AOAH: variants seen among roughly 807,000 people sequenced by gnomAD.
AOAH encodes the protein acyloxyacyl hydrolase.
A neutral mutation model predicts 92.2 loss-of-function variants in AOAH; 64 were observed. That is an observed-to-expected ratio of 0.69 (90% CI 0.57 to 0.86). The LOEUF (loss-of-function observed/expected upper bound fraction) is 0.86. AOAH is among the 40% of genes least tolerant of loss of function. AOAH has a pLI of 0.00. For missense variants in AOAH, 656 were observed against 694.6 expected, an observed-to-expected ratio of 0.94 and a Z score of 0.62; for synonymous variants, 263 against 254.5, an observed-to-expected ratio of 1.03 and a Z score of -0.32.
rs1365138701 is a variant in AOAH, at chr7:36,580,812, G to T, written c.939-4156C>A. 2.0e-5 allele frequency among the ~76,000 whole-genome samples: 3 copies of T among 152,134 alleles called. No individual in the cohort carries two copies. The East Asian group carries it at 5.8e-4, about 29-fold the overall frequency. On this transcript the variant is annotated intron_variant, in intron 12 of 20. Coordinates refer to ENST00000617537, the MANE Select transcript of AOAH (RefSeq NM_001637.4). ...GGAACCCTGCTGTCAGCATCTGTGG[G>T]ACTCTCCTCTTGGGCTGTTCAGATT...
chr7:36,543,240 C>T (rs1785544100), intron 15 of AOAH, among the ~76,000 whole-genome samples: 1 of 152,206 alleles, frequency 6.6e-6, no homozygotes, highest in African/African-American at 2.4e-5. Context: ...TGCCTACCTA[C>T]TAGAGCAGAA....
intron 20 of AOAH, among the ~76,000 whole-genome samples, chr7:36,517,204 TTC>T (rs796716098): frequency 1.2e-4 from 5 of 41,314 alleles, no homozygotes; most frequent in East Asian, 2.6e-3. Context: ...CTTTCTTTCT[TTC>T]TTTCTTTCTC....
chr7:36,640,209 C>T (rs959875391), intron 4 of AOAH, among the ~76,000 whole-genome samples: 8 of 152,046 alleles, frequency 5.3e-5, no homozygotes, highest in African/African-American at 1.9e-4. Context: ...GGAACAGAGT[C>T]CTGATCCCAG....
chr7:36,646,541 A>T (rs1282464760), intron 4 of AOAH, among the ~76,000 whole-genome samples: 1 of 152,228 alleles, frequency 6.6e-6, no homozygotes, highest in Non-Finnish European at 1.5e-5. Flanking sequence ...TATGTTACAC[A>T]ACAAATCAAT....
In AOAH at chr7:36,574,188, G is replaced by A. The variant is rs1788331198; in HGVS notation, c.1021+2386C>T. Among the ~76,000 whole-genome samples, 5 of 152,294 alleles carry A rather than the reference G, an allele frequency of 3.3e-5. 1 individual carries two copies. In the South Asian group the frequency reaches 1.0e-3, roughly 32 times the overall value. ...AGTCTTAGAAAAATAGTCGAGGATA[G>A]TAATACTAGACAAAGTATACATTTT... On this transcript the variant is annotated intron_variant, in intron 13 of 20. Coordinates refer to ENST00000617537, the MANE Select transcript of AOAH (RefSeq NM_001637.4).
chr7:36,625,649 A>T (rs1037046908), intron 6 of AOAH, among the ~76,000 whole-genome samples: 3 of 152,228 alleles, frequency 2.0e-5, no homozygotes, highest in African/African-American at 7.2e-5. Flanking sequence ...ACTTACAGGA[A>T]AAGTGAGAAC....
At chr7:36,638,008 AT>A in intron 4 of AOAH, 98 bp from the exon 5 acceptor site, 2 of 909,920 alleles carry the variant, frequency 2.2e-6, no homozygotes, top group Non-Finnish European at 3.4e-6. Context: ...TAAGTTTTCA[AT>A]AAATGAACCA....
intron 4 of AOAH, among the ~76,000 whole-genome samples, chr7:36,645,500 G>A (rs1374454448): frequency 6.6e-6 from 1 of 152,192 alleles, no homozygotes; most frequent in Non-Finnish European, 1.5e-5. Context: ...AGGGCTTCAA[G>A]GCAATTTCTA....
At chr7:36,587,289 AAAAG>A (rs1276068827) in intron 12 of AOAH, among the ~76,000 whole-genome samples, 6 of 149,316 alleles carry the variant, frequency 4.0e-5, no homozygotes, top group Admixed American at 1.3e-4. Context: ...AAAAAAAAAA[AAAAG>A]AAAGAAAGAA....
Position 36,523,804 on chromosome 7 carries a change from T to C in AOAH, c.1523-1689A>G, listed in dbSNP as rs373515181. Among the ~76,000 whole-genome samples the C allele has an allele frequency of 3.9e-5, 6 of 152,024 alleles. 1 individual carries two copies. The South Asian group carries it at 1.2e-3, about 32-fold the overall frequency. On this transcript the variant is annotated intron_variant, in intron 19 of 20. Coordinates refer to ENST00000617537, the MANE Select transcript of AOAH (RefSeq NM_001637.4). ...CTGCTCATGAATGCTATCCAGCCCA[T>C]CCCCTGCCATTCCCAATCTGAACAT...
At chr7:36,530,230 C>CT (rs1015376976) in intron 19 of AOAH, among the ~76,000 whole-genome samples, 188 bp downstream of exon 19, 5 of 152,178 alleles carry the variant, frequency 3.3e-5, no homozygotes, top group Admixed American at 3.3e-4. Context: ...CTGAACCCAA[C>CT]TTTTTCAGAA....
intron 11 of AOAH, among the ~76,000 whole-genome samples, chr7:36,612,888 C>G (rs545016255): frequency 6.6e-6 from 1 of 152,082 alleles, no homozygotes; most frequent in African/African-American, 2.4e-5. Flanking sequence ...CTTATTGCTA[C>G]GTAGAAACTC....
chr7:36,679,416 C>T (rs1796498887), intron 2 of AOAH, among the ~76,000 whole-genome samples: 1 of 151,208 alleles, frequency 6.6e-6, no homozygotes, highest in African/African-American at 2.4e-5. Flanking sequence ...AGCTTAAGAT[C>T]ACAACATAGC....
At chr7:36,646,268 A>T (rs1584022261) in intron 4 of AOAH, among the ~76,000 whole-genome samples, 5 of 152,292 alleles carry the variant, frequency 3.3e-5, no homozygotes, top group Non-Finnish European at 1.5e-5. Flanking sequence ...TGCTGAGTGA[A>T]TTTTTCTAGG....
intron 12 of AOAH, among the ~76,000 whole-genome samples, chr7:36,578,147 T>G (rs961232746): frequency 2.0e-5 from 3 of 152,186 alleles, no homozygotes; most frequent in Admixed American, 2.0e-4. Context: ...TTTTTTAAAA[T>G]CAAAGCTACC....
intron 9 of AOAH, among the ~76,000 whole-genome samples, chr7:36,618,728 T>A (rs1182404474): frequency 6.6e-6 from 1 of 152,186 alleles, no homozygotes; most frequent in African/African-American, 2.4e-5. Flanking sequence ...CTTCAGTACC[T>A]AAGATTGATG....
At chr7:36,619,711 G>C (rs1042127938) in intron 9 of AOAH, among the ~76,000 whole-genome samples, 3 of 152,154 alleles carry the variant, frequency 2.0e-5, no homozygotes, top group Admixed American at 6.5e-5. Context: ...GCATGCAGTA[G>C]GTGACTGTTG....
intron 15 of AOAH, among the ~76,000 whole-genome samples, chr7:36,548,375 G>A (rs1367475463): frequency 1.3e-5 from 2 of 152,034 alleles, no homozygotes; most frequent in African/African-American, 2.4e-5. Context: ...TAGTAGAGAC[G>A]GGGTTTCACC....
chr7:36,517,597 C>CTTTTTT (rs70977159), intron 20 of AOAH, among the ~76,000 whole-genome samples: 4 of 89,580 alleles, frequency 4.5e-5, no homozygotes, highest in Non-Finnish European at 6.0e-5. Context: ...GACTTTATAT[C>CTTTTTT]TTTTTTTTTT....
Sources: allele counts gnomAD v4.1 joint callset (sites outside exome capture counted in the v4.1 genomes callset), GRCh38; gene constraint gnomAD v4.1.1; transcripts MANE v1.5; gene names NCBI Gene and HGNC (gene_info 2026-07-23, HGNC 2026-07-21).